The following POU6F2 variants were observed in gnomAD, a reference collection of about 807,000 sequenced individuals.
POU6F2 encodes the protein POU domain, class 6, transcription factor 2.
POU6F2 carries 31 observed loss-of-function variants against 71.3 expected under a neutral mutation model. The observed-to-expected ratio is 0.43, with a 90% CI of 0.33 to 0.59. The LOEUF (loss-of-function observed/expected upper bound fraction) is 0.59. POU6F2 is among the 20% of genes least tolerant of loss of function. POU6F2 has a pLI of 0.04. For synonymous variants in POU6F2, 347 were observed against 355.7 expected (o/e 0.98, Z 0.27); for missense variants, 783 against 856.8 (o/e 0.91, Z 1.07).
chr7:39,331,075 C>T (rs1008489829), intron 4 of POU6F2, among the ~76,000 whole-genome samples: 3 of 152,144 alleles, frequency 2.0e-5, no homozygotes, highest in East Asian at 1.9e-4. Context: ...ATAATGTCCT[C>T]GGGGTTCATT....
At chr7:39,374,192 C>CA (rs1290774220) in intron 5 of POU6F2, among the ~76,000 whole-genome samples, 1 of 152,118 alleles carries the variant, frequency 6.6e-6, no homozygotes, top group Non-Finnish European at 1.5e-5. Flanking sequence ...TTATACATGC[C>CA]AAGCACTTGT....
intron 1 of POU6F2, among the ~76,000 whole-genome samples, chr7:39,039,674 C>G (rs968399370): frequency 6.6e-6 from 1 of 150,756 alleles, no homozygotes; most frequent in East Asian, 2.0e-4. Context: ...AGTTGATAGT[C>G]GCAAATAAAA....
At chr7:39,083,144 A>G (rs1346186096) in intron 1 of POU6F2, among the ~76,000 whole-genome samples, 1 of 152,210 alleles carries the variant, frequency 6.6e-6, no homozygotes, top group Non-Finnish European at 1.5e-5. Context: ...GTGATTCGGG[A>G]TTCAGTTTGA....
At chr7:39,182,436 T>C (rs947465372) in intron 2 of POU6F2, among the ~76,000 whole-genome samples, 5 of 152,156 alleles carry the variant, frequency 3.3e-5, no homozygotes, top group African/African-American at 1.2e-4. Flanking sequence ...CAGTCTCAAT[T>C]CTCATTATTC....
intron 4 of POU6F2, among the ~76,000 whole-genome samples, chr7:39,294,272 A>G (rs913844558): frequency 1.3e-5 from 2 of 150,830 alleles, no homozygotes; most frequent in Non-Finnish European, 3.0e-5. Flanking sequence ...TTTCCAGCCA[A>G]TTTGTTAACA....
chr7:39,194,690 CTGTGGGATATT>C (rs1793744893), intron 2 of POU6F2, among the ~76,000 whole-genome samples: 1 of 152,224 alleles, frequency 6.6e-6, no homozygotes, highest in Non-Finnish European at 1.5e-5. Context: ...CCCTTCTACG[CTGTGGGATATT>C]TGTTCTTTCG....
At chr7:39,243,042 A>G (rs188654428) in intron 4 of POU6F2, among the ~76,000 whole-genome samples, 3 of 152,326 alleles carry the variant, frequency 2.0e-5, no homozygotes, top group African/African-American at 4.8e-5. Flanking sequence ...AATTAAATGA[A>G]TTTTAAAACT....
intron 2 of POU6F2, among the ~76,000 whole-genome samples, chr7:39,200,412 T>C (rs1793874536): frequency 6.6e-6 from 1 of 152,234 alleles, no homozygotes; most frequent in African/African-American, 2.4e-5. Context: ...TGTAAAAATT[T>C]GGAAACTTTG....
At chr7:39,164,164 A>T (rs1268468371) in intron 2 of POU6F2, among the ~76,000 whole-genome samples, 1 of 152,032 alleles carries the variant, frequency 6.6e-6, no homozygotes, top group Non-Finnish European at 1.5e-5. Context: ...TCCGCAATGT[A>T]TACATATTTC....
chr7:39,041,425 C>T (rs1299432456), intron 1 of POU6F2, among the ~76,000 whole-genome samples: 1 of 151,936 alleles, frequency 6.6e-6, no homozygotes, highest in Non-Finnish European at 1.5e-5. Context: ...GTAGATTGCT[C>T]TCCAAAATCA....
At chr7:39,137,114 A>T (rs2128731006) in intron 2 of POU6F2, among the ~76,000 whole-genome samples, 1 of 152,198 alleles carries the variant, frequency 6.6e-6, no homozygotes, top group African/African-American at 2.4e-5. Flanking sequence ...AATTTATTGT[A>T]TATTATCAGA....
At chr7:39,254,812 C>T (rs570924832) in intron 4 of POU6F2, among the ~76,000 whole-genome samples, 12 of 152,296 alleles carry the variant, frequency 7.9e-5, no homozygotes, top group African/African-American at 2.6e-4. Flanking sequence ...AGCCACAACA[C>T]ATGTATCTTC....
intron 7 of POU6F2, among the ~76,000 whole-genome samples, chr7:39,448,713 T>G (rs1583612811): frequency 6.6e-6 from 1 of 152,348 alleles, no homozygotes. Flanking sequence ...TAAATTGGTG[T>G]CTTTTCCAGT....
Position 39,006,764 on chromosome 7 carries a change from C to T in POU6F2, c.105+28706C>T, listed in dbSNP as rs571767892. The T allele has an allele frequency of 1.8e-5, 24 of 1,316,614 alleles. No individual in the cohort carries two copies. In the South Asian group the frequency reaches 2.5e-4, roughly 14 times the overall value. 81.6% of individuals were successfully genotyped at this position (1,316,614 alleles called of 1,614,324 possible). A position where few individuals can be genotyped will look rare whatever the true frequency, so the allele number is the denominator to read the frequency against. ...GTTGGGGTTTTCTTCTAGGCATGAA[C>T]TCTCTTGGGTTGTGTTACCCTGTTT... On this transcript the variant is annotated intron_variant, in intron 1 of 9. Coordinates refer to ENST00000518318, the MANE Select transcript of POU6F2 (RefSeq NM_001370959.1).
chr7:39,304,977 C>A (rs1312130930), intron 4 of POU6F2, among the ~76,000 whole-genome samples: 1 of 152,238 alleles, frequency 6.6e-6, no homozygotes, highest in Non-Finnish European at 1.5e-5. Context: ...CAACACATAC[C>A]TTCAGGCTAA....
intron 2 of POU6F2, among the ~76,000 whole-genome samples, chr7:39,184,519 A>G (rs1456480009): frequency 1.3e-5 from 2 of 152,206 alleles, no homozygotes; most frequent in Admixed American, 6.5e-5. Context: ...TTTAAAAGGG[A>G]AATGCTGACA....
chr7:38,993,327 A>G (rs1158149914), intron 1 of POU6F2, among the ~76,000 whole-genome samples: 1 of 152,176 alleles, frequency 6.6e-6, no homozygotes, highest in Non-Finnish European at 1.5e-5. Flanking sequence ...AGAAAATAAG[A>G]TTTTAGACTA....
chr7:39,374,679 C>T (rs1033280892), intron 5 of POU6F2, among the ~76,000 whole-genome samples: 1 of 152,104 alleles, frequency 6.6e-6, no homozygotes, highest in Non-Finnish European at 1.5e-5. Flanking sequence ...CAGTCAACCA[C>T]GGGGGAGTCT....
intron 4 of POU6F2, among the ~76,000 whole-genome samples, chr7:39,214,264 T>A (rs1258553674): frequency 6.6e-6 from 1 of 152,172 alleles, no homozygotes; most frequent in Non-Finnish European, 1.5e-5. Flanking sequence ...CCAGGGCCTT[T>A]TGCACAGGCT....
Sources: allele counts gnomAD v4.1 joint callset (sites outside exome capture counted in the v4.1 genomes callset), GRCh38; gene constraint gnomAD v4.1.1; transcripts MANE v1.5; gene names NCBI Gene and HGNC (gene_info 2026-07-23, HGNC 2026-07-21).